PRMT3: variants seen among roughly 807,000 people sequenced by gnomAD.
PRMT3 encodes the protein protein arginine N-methyltransferase 3.
A neutral mutation model predicts 71.9 loss-of-function variants in PRMT3; 62 were observed. The ratio of observed to expected loss-of-function variants is 0.86; its 90% CI spans 0.70 to 1.07. PRMT3 has a LOEUF of 1.07. Ranked by LOEUF, PRMT3 falls within the 50% of genes least tolerant of loss-of-function variation. The pLI, the probability that PRMT3 is intolerant of heterozygous loss-of-function variation, is 0.00. For synonymous variants in PRMT3, 213 were observed against 220.4 expected (o/e 0.97, Z 0.30); for missense variants, 663 against 643.0 (o/e 1.03, Z -0.34).
Position 20,493,909 on chromosome 11 carries a change from TA to T in PRMT3, c.1348-4del. 6.4e-7 allele frequency: 1 copy of T among 1,561,160 alleles called. No homozygotes were observed. Among genetic ancestry groups the T allele is most frequent in the Non-Finnish European group, 8.8e-7 (1 of 1,140,560 alleles). ...TAGTAAGCATTTATATTTCTTTTTT[TA>T]AAAAACAGGCAATTGCTGGCTACTT... On this transcript the variant is annotated splice_polypyrimidine_tract_variant and intron_variant, in intron 13 of 15. Coordinates refer to ENST00000331079, the MANE Select transcript of PRMT3 (RefSeq NM_005788.4).
chr11:20,393,305 G>A (rs1162451819), intron 5 of PRMT3, among the ~76,000 whole-genome samples: 1 of 152,088 alleles, frequency 6.6e-6, no homozygotes, highest in Non-Finnish European at 1.5e-5. Context: ...AAATTAGCCG[G>A]GCATGGTGGC....
chr11:20,448,507 A>T (rs1850080412), intron 10 of PRMT3, among the ~76,000 whole-genome samples: 1 of 152,082 alleles, frequency 6.6e-6, no homozygotes, highest in South Asian at 2.1e-4. Flanking sequence ...CAGATTATTG[A>T]GTCTTTGTCA....
intron 10 of PRMT3, among the ~76,000 whole-genome samples, chr11:20,427,865 T>C (rs1849581067): frequency 2.2e-5 from 1 of 45,420 alleles, no homozygotes. Context: ...TTGGTAGATA[T>C]ATTTTCATAA....
chr11:20,466,654 A>G (rs1024856685), intron 13 of PRMT3, among the ~76,000 whole-genome samples: 3 of 152,226 alleles, frequency 2.0e-5, no homozygotes, highest in Non-Finnish European at 4.4e-5. Flanking sequence ...AGGATAGAGT[A>G]CAAGAAGGTT....
rs143390799 is a variant in PRMT3 at position 20,493,968 on chromosome 11, G to T, written c.1397G>T (p.Arg466Met). 2 of 1,585,226 alleles carry T rather than the reference G, an allele frequency of 1.3e-6. No homozygotes were observed. The highest frequency in any genetic ancestry group is 1.7e-6 in the Non-Finnish European group (2 of 1,158,896). Residue 466 changes from arginine to methionine, a missense_variant and splice_region_variant, in exon 14 of 16, where the codon AGG becomes ATG. Transcript: ENST00000331079. Reference protein sequence around the residue: ...DIYFEKNCHNRVVFSTGPQST... With the variant: ...DIYFEKNCHNMVVFSTGPQST... ...TATTTTGAGAAGAATTGCCACAACA[G>T]GGTAAGTATCATGAATTATCTCATA...
chr11:20,418,679 T>C (rs1849362375), intron 9 of PRMT3, among the ~76,000 whole-genome samples: 1 of 152,158 alleles, frequency 6.6e-6, no homozygotes, highest in Non-Finnish European at 1.5e-5. Flanking sequence ...GAAGTGTTTG[T>C]CATTGTTAAA....
chr11:20,397,928 C>G (rs1384969966), intron 7 of PRMT3, among the ~76,000 whole-genome samples: 1 of 148,294 alleles, frequency 6.7e-6, no homozygotes, highest in Non-Finnish European at 1.5e-5. Context: ...AATACCAGCA[C>G]TTTGGGAGCC....
intron 15 of PRMT3, among the ~76,000 whole-genome samples, chr11:20,506,614 A>G (rs1851597095): frequency 6.6e-6 from 1 of 152,206 alleles, no homozygotes; most frequent in Admixed American, 6.5e-5. Flanking sequence ...AAAAGCATTC[A>G]GATAATTTTC....
chr11:20,397,841 T>A (rs1590032591), intron 7 of PRMT3, 120 bp downstream of exon 7: 1 of 988,304 alleles, frequency 1.0e-6, no homozygotes, highest in Admixed American at 3.0e-5. Flanking sequence ...AACTGCTTTT[T>A]AAACACCTCT....
intron 9 of PRMT3, among the ~76,000 whole-genome samples, chr11:20,414,725 A>G (rs1849264655): frequency 6.6e-6 from 1 of 152,148 alleles, no homozygotes; most frequent in Non-Finnish European, 1.5e-5. Context: ...TATGGCCATA[A>G]TGCAGTACAC....
chr11:20,494,409 C>T (rs1411963807), intron 15 of PRMT3, among the ~76,000 whole-genome samples, 155 bp downstream of exon 15: 1 of 152,256 alleles, frequency 6.6e-6, no homozygotes. Flanking sequence ...TCTCGGCTCA[C>T]TGCAACCTCC....
In PRMT3 at chr11:20,397,718, A is replaced by G. The variant is rs746240605; in HGVS notation, c.702A>G (p.Leu234=). ...ATTATGGGATACATGAAGAAATGCTAAAGGTTAGAAAAGAACACAAATGCG... is the reference window on the plus strand; with the variant it reads ...ATTATGGGATACATGAAGAAATGCTGAAGGTTAGAAAAGAACACAAATGCG... ...YGHYGIHEEM[L]KDKIRTESYR... is the part of the protein sequence containing the mutation. The change falls in exon 7 of 16, where the codon CTA becomes CTG. Residue 234 remains leucine, a synonymous_variant. Coordinates refer to ENST00000331079, the MANE Select transcript of PRMT3 (RefSeq NM_005788.4). 5.0e-6 allele frequency: 8 copies of G among 1,612,884 alleles called. No individual in the cohort carries two copies. In the Admixed American group the frequency reaches 5.0e-5, roughly 10 times the overall value.
chr11:20,437,612 C>G (rs1253305665), intron 10 of PRMT3, among the ~76,000 whole-genome samples: 1 of 150,956 alleles, frequency 6.6e-6, no homozygotes, highest in East Asian at 2.0e-4. Context: ...ATTTTTGAGA[C>G]GGAGTCTCGC....
At chr11:20,399,968 T>G (rs1162218519) in intron 7 of PRMT3, among the ~76,000 whole-genome samples, 2 of 152,214 alleles carry the variant, frequency 1.3e-5, no homozygotes, top group African/African-American at 4.8e-5. Flanking sequence ...TGGAAATGAT[T>G]TGATTAAATG....
chr11:20,410,828 G>A (rs1849178361), intron 9 of PRMT3, among the ~76,000 whole-genome samples: 1 of 151,968 alleles, frequency 6.6e-6, no homozygotes, highest in African/African-American at 2.4e-5. Context: ...ACATCAGTGG[G>A]CAAAAATAGA....
chr11:20,446,777 A>G (rs940615503), intron 10 of PRMT3, among the ~76,000 whole-genome samples: 3 of 152,188 alleles, frequency 2.0e-5, no homozygotes, highest in South Asian at 2.1e-4. Flanking sequence ...ACAGATGCCA[A>G]CACAACATTT....
chr11:20,502,759 G>A (rs1330606328), intron 15 of PRMT3, among the ~76,000 whole-genome samples: 1 of 152,030 alleles, frequency 6.6e-6, no homozygotes, highest in African/African-American at 2.4e-5. Flanking sequence ...CACTCAAAAG[G>A]CAATGTAAAT....
chr11:20,455,556 G>A (rs533264070), intron 11 of PRMT3, among the ~76,000 whole-genome samples: 55 of 152,144 alleles, frequency 3.6e-4, no homozygotes, highest in Non-Finnish European at 6.2e-4. Context: ...TCAGAAAAGA[G>A]ACTTTTAAAA....
chr11:20,493,920 C>G lies in PRMT3; in HGVS notation c.1349C>G (p.Ala450Gly). 1 of 1,578,034 alleles carries G rather than the reference C, an allele frequency of 6.3e-7. No individual in the cohort carries two copies. The highest frequency in any genetic ancestry group is 1.1e-5 in the South Asian group (1 of 87,380). ...TATATTTCTTTTTTTAAAAAACAGG[C>G]AATTGCTGGCTACTTTGATATATAT... ...LKITRTSMCT[A>G]IAGYFDIYFE... Residue 450 changes from alanine to glycine, a missense_variant and splice_region_variant, in exon 14 of 16, where the codon GCA (alanine) becomes GGA (glycine). Coordinates refer to ENST00000331079, the MANE Select transcript of PRMT3 (RefSeq NM_005788.4).
Sources: allele counts gnomAD v4.1 joint callset (sites outside exome capture counted in the v4.1 genomes callset), GRCh38; gene constraint gnomAD v4.1.1; transcripts MANE v1.5; gene names NCBI Gene and HGNC (gene_info 2026-07-23, HGNC 2026-07-21).